Variants in PTPRD observed in about 807,000 individuals in gnomAD.
PTPRD encodes the protein receptor-type tyrosine-protein phosphatase delta.
A neutral mutation model predicts 214.5 loss-of-function variants in PTPRD; 34 were observed. The observed-to-expected ratio is 0.16, with a 90% CI of 0.12 to 0.21. The LOEUF (loss-of-function observed/expected upper bound fraction) is 0.21. Ranked by LOEUF, PTPRD falls within the 10% of genes least tolerant of loss-of-function variation. PTPRD has a pLI of 1.00. For synonymous variants in PTPRD, 1,128 were observed against 845.7 expected (o/e 1.33, Z -5.79); for missense variants, 2,545 against 2,398.7 (o/e 1.06, Z -1.27).
intron 5 of PTPRD, among the ~76,000 whole-genome samples, chr9:9,833,495 A>G (rs963700298): frequency 6.6e-6 from 1 of 151,860 alleles, no homozygotes; most frequent in African/African-American, 2.4e-5. Flanking sequence ...TAAAATTGCT[A>G]ATGAAGTTTC....
chr9:9,377,306 G>A lies in PTPRD; in HGVS notation c.-203+20143C>T, dbSNP rs149043475. Among the ~76,000 whole-genome samples, 770 of 152,088 alleles carry A rather than the reference G, an allele frequency of 5.1e-3. 6 individuals are homozygous for A. The highest frequency in any genetic ancestry group is 0.018 in the African/African-American group (736 of 41,494). ...GTAGTCCTCCATGAACAAAAAATAC[G>A]TCTTGTGCTAATTCTTCCTGGTATA... On this transcript the variant is annotated intron_variant, in intron 9 of 45. Coordinates refer to ENST00000381196, the MANE Select transcript of PTPRD (RefSeq NM_002839.4).
At chr9:8,834,135 T>G (rs1195201725) in intron 11 of PTPRD, among the ~76,000 whole-genome samples, 1 of 152,130 alleles carries the variant, frequency 6.6e-6, no homozygotes, top group Admixed American at 6.5e-5. Context: ...CTACTTTCAT[T>G]TATTTACTAT....
chr9:10,235,229 C>A (rs766298139), intron 3 of PTPRD, among the ~76,000 whole-genome samples: 1 of 151,986 alleles, frequency 6.6e-6, no homozygotes, highest in Non-Finnish European at 1.5e-5. Flanking sequence ...TTTAGCTAAA[C>A]GGATTACATT....
intron 21 of PTPRD, among the ~76,000 whole-genome samples, chr9:8,517,061 T>A (rs959663700): frequency 6.6e-6 from 1 of 151,992 alleles, no homozygotes; most frequent in African/African-American, 2.4e-5. Flanking sequence ...TCCACCTACC[T>A]CCCAAAAGTG....
chr9:8,747,329 C>T (rs1317468873), intron 11 of PTPRD, among the ~76,000 whole-genome samples: 1 of 152,054 alleles, frequency 6.6e-6, no homozygotes, highest in African/African-American at 2.4e-5. Flanking sequence ...AGTATGCTTA[C>T]CTAGTCCTCC....
intron 3 of PTPRD, among the ~76,000 whole-genome samples, chr9:10,126,946 C>CTTT (rs34691762): frequency 6.1e-5 from 8 of 130,590 alleles, no homozygotes; most frequent in Admixed American, 1.5e-4. Context: ...CTCAAATGGA[C>CTTT]TTTTTTTTTT....
At chr9:9,953,916 A>C (rs2093671070) in intron 4 of PTPRD, among the ~76,000 whole-genome samples, 1 of 152,242 alleles carries the variant, frequency 6.6e-6, no homozygotes, top group African/African-American at 2.4e-5. Flanking sequence ...TTTTGTGTAA[A>C]GGGAGGATTT....
At chr9:10,359,811 C>G (rs2097343479) in intron 2 of PTPRD, among the ~76,000 whole-genome samples, 1 of 152,070 alleles carries the variant, frequency 6.6e-6, no homozygotes, top group Admixed American at 6.5e-5. Context: ...TCAATGCATT[C>G]TATTCACTGA....
chr9:9,370,102 T>C (rs1025233638), intron 9 of PTPRD, among the ~76,000 whole-genome samples: 1 of 152,156 alleles, frequency 6.6e-6, no homozygotes, highest in African/African-American at 2.4e-5. Context: ...GGGCTCTTTT[T>C]TCGTTCCATA....
chr9:9,334,965 G>A (rs1221218023), intron 9 of PTPRD, among the ~76,000 whole-genome samples: 1 of 151,954 alleles, frequency 6.6e-6, no homozygotes, highest in African/African-American at 2.4e-5. Flanking sequence ...AATTGGAAAT[G>A]TGATCTTATG....
chr9:10,172,313 T>G (rs920800149), intron 3 of PTPRD, among the ~76,000 whole-genome samples: 14 of 152,194 alleles, frequency 9.2e-5, no homozygotes, highest in African/African-American at 3.1e-4. Context: ...GTTCATCTAC[T>G]AATATCACCA....
chr9:8,532,218 T>C (rs1379800028), intron 14 of PTPRD, among the ~76,000 whole-genome samples: 1 of 152,104 alleles, frequency 6.6e-6, no homozygotes, highest in Non-Finnish European at 1.5e-5. Flanking sequence ...TTGTGGCTTG[T>C]TTCCAATTTG....
intron 11 of PTPRD, among the ~76,000 whole-genome samples, chr9:8,747,472 G>A (rs2092956001): frequency 6.6e-6 from 1 of 152,030 alleles, no homozygotes; most frequent in South Asian, 2.1e-4. Flanking sequence ...TTACACTGCA[G>A]GGGTCACCAG....
intron 7 of PTPRD, among the ~76,000 whole-genome samples, chr9:9,716,364 T>C (rs1484794495): frequency 6.6e-6 from 1 of 151,652 alleles, no homozygotes; most frequent in Non-Finnish European, 1.5e-5. Flanking sequence ...TTTGGGTATA[T>C]ACCCAGTAAT....
At position 8,789,322 on chromosome 9, in the gene PTPRD, G is replaced by A. The variant is rs547719604; in HGVS notation, c.-103-55376C>T. On this transcript the variant is annotated intron_variant, in intron 11 of 45. Coordinates refer to ENST00000381196, the MANE Select transcript of PTPRD (RefSeq NM_002839.4). ...GAGGTGGTTGTCTGACCCAAAATGTGTCAATGAAAATGTGGGACATAAATG... is the reference window on the plus strand; with the variant it reads ...GAGGTGGTTGTCTGACCCAAAATGTATCAATGAAAATGTGGGACATAAATG... Among the ~76,000 whole-genome samples the A allele has an allele frequency of 6.6e-5, 10 of 152,310 alleles. No individual in the cohort carries two copies. The South Asian group carries it at 2.1e-3, about 32-fold the overall frequency.
At chr9:10,264,658 T>G (rs906007202) in intron 3 of PTPRD, among the ~76,000 whole-genome samples, 4 of 152,188 alleles carry the variant, frequency 2.6e-5, no homozygotes, top group Non-Finnish European at 4.4e-5. Flanking sequence ...TTGTTTCAGA[T>G]GAGACTTTGG....
chr9:9,074,015 G>A lies in PTPRD; in HGVS notation c.-142-55280C>T, dbSNP rs553472189. Among the ~76,000 whole-genome samples, 10 of 152,030 alleles carry A rather than the reference G, an allele frequency of 6.6e-5. No homozygotes were observed. The East Asian group carries it at 1.9e-3, about 29-fold the overall frequency. On this transcript the variant is annotated intron_variant, in intron 10 of 45. Transcript: ENST00000381196. ...TGGGAATTATGTGAGATGTCAAGTGGGTAGCATAGTGCCTGACACACCTAA... is the reference window on the plus strand; with the variant it reads ...TGGGAATTATGTGAGATGTCAAGTGAGTAGCATAGTGCCTGACACACCTAA...
chr9:10,368,333 T>C (rs1262118655), intron 2 of PTPRD, among the ~76,000 whole-genome samples: 2 of 152,158 alleles, frequency 1.3e-5, no homozygotes, highest in Admixed American at 1.3e-4. Context: ...TAAAGATATC[T>C]AATGAAAGAC....
intron 7 of PTPRD, among the ~76,000 whole-genome samples, chr9:9,633,196 G>A (rs2095647594): frequency 6.6e-6 from 1 of 151,942 alleles, no homozygotes; most frequent in South Asian, 2.1e-4. Context: ...TCAGGAGGCT[G>A]AAGCAAGAGA....
Sources: gnomAD v4.1 joint callset for allele counts (sites outside exome capture counted in the v4.1 genomes callset) on GRCh38, gnomAD v4.1.1 for gene constraint, MANE v1.5 for transcripts, NCBI Gene and HGNC (gene_info 2026-07-23, HGNC 2026-07-21) for gene names.